The following POC1A variants were observed in gnomAD, a reference collection of about 807,000 sequenced individuals.
POC1A encodes the protein POC1 centriolar protein homolog A.
In POC1A, 34 loss-of-function variants were observed where a neutral mutation model predicts 47.8. The observed-to-expected ratio is 0.71, with a 90% CI of 0.54 to 0.95. The LOEUF is 0.95. POC1A is among the 40% of genes least tolerant of loss of function. The probability of loss-of-function intolerance (pLI) is 0.00; values close to 1 mark genes in which losing one functional copy is unlikely to be tolerated. For missense variants in POC1A, 466 were observed against 528.3 expected, an observed-to-expected ratio of 0.88 and a Z score of 1.16; for synonymous variants, 177 against 207.6, an observed-to-expected ratio of 0.85 and a Z score of 1.27.
At chr3:52,153,673 G>A (rs1326435085) in intron 1 of POC1A, among the ~76,000 whole-genome samples, 1 of 152,232 alleles carries the variant, frequency 6.6e-6, no homozygotes, top group Non-Finnish European at 1.5e-5. Flanking sequence ...CCCTGCATGT[G>A]GGCCTCATCT....
At chr3:52,111,416 G>T (rs763894769) in intron 9 of POC1A, among the ~76,000 whole-genome samples, 2 of 152,114 alleles carry the variant, frequency 1.3e-5, no homozygotes, top group Non-Finnish European at 2.9e-5. Flanking sequence ...GGAGGCCAAG[G>T]CGGGCAGATC....
At chr3:52,077,425 G>A (rs555701309) in intron 10 of POC1A, among the ~76,000 whole-genome samples, 2 of 152,372 alleles carry the variant, frequency 1.3e-5, no homozygotes, top group Admixed American at 6.5e-5. Flanking sequence ...CTGCCATGGA[G>A]GGTGCTCCGC....
In POC1A at chr3:52,101,191, G is replaced by A. The variant is rs181450276; in HGVS notation, c.982-4479C>T. On this transcript the variant is annotated intron_variant, in intron 9 of 10. Transcript: ENST00000296484. ...CATGGAAAAAAGCATGCCCCTCTGA[G>A]GGGCATGCCCACAGGGCTGGCTGAA... Among the ~76,000 whole-genome samples, 480 of 152,054 alleles carry A rather than the reference G, an allele frequency of 3.2e-3. 1 individual carries two copies. Among genetic ancestry groups the A allele is most frequent in the Admixed American group, 5.1e-3 (78 of 15,298 alleles).
intron 3 of POC1A, 115 bp downstream of exon 3, chr3:52,149,701 C>T: frequency 9.9e-7 from 1 of 1,005,156 alleles, no homozygotes; most frequent in Non-Finnish European, 1.5e-6. Flanking sequence ...TCTTCCAAAG[C>T]AGAGTAGAAG....
At chr3:52,098,445 G>A (rs1702891369) in intron 9 of POC1A, among the ~76,000 whole-genome samples, 1 of 152,186 alleles carries the variant, frequency 6.6e-6, no homozygotes, top group Non-Finnish European at 1.5e-5. Context: ...GGCAGGGTGA[G>A]TACCACTGAC....
intron 7 of POC1A, among the ~76,000 whole-genome samples, chr3:52,136,147 G>A (rs1396050471): frequency 1.3e-5 from 2 of 152,134 alleles, no homozygotes; most frequent in African/African-American, 2.4e-5. Flanking sequence ...CCCCACAGAG[G>A]GGCTGGGTGT....
intron 9 of POC1A, among the ~76,000 whole-genome samples, chr3:52,098,207 C>T (rs1559818166): frequency 6.6e-6 from 1 of 152,214 alleles, no homozygotes; most frequent in East Asian, 1.9e-4. Flanking sequence ...TGTGCCCACT[C>T]CTTCCAGAGG....
rs1449672988 is a variant in POC1A, at chr3:52,075,732, T to C, written c.*155A>G. The C allele has an allele frequency of 1.9e-5, 12 of 645,886 alleles. No individual in the cohort carries two copies. The highest frequency in any genetic ancestry group is 2.7e-4 in the Middle Eastern group (1 of 3,714). The allele number at this position is 645,886 out of a possible 1,614,324, so 40.0% of individuals were successfully genotyped here. A position where few individuals can be genotyped will look rare whatever the true frequency, so the allele number is the denominator to read the frequency against. On this transcript the variant is annotated 3_prime_UTR_variant, in exon 11 of 11. Transcript: ENST00000296484. ...CAGGTGGAGAGCCTCCTGGTGCAGA[T>C]AGCAAGGTGGAGGGCAGAACTGCAA...
At chr3:52,102,439 A>G (rs987178565) in intron 9 of POC1A, among the ~76,000 whole-genome samples, 1 of 151,946 alleles carries the variant, frequency 6.6e-6, no homozygotes, top group Non-Finnish European at 1.5e-5. Context: ...CATAACTCCA[A>G]TCTCTGCCTT....
intron 9 of POC1A, among the ~76,000 whole-genome samples, chr3:52,097,463 G>C (rs553149918): frequency 1.3e-5 from 2 of 152,314 alleles, no homozygotes; most frequent in South Asian, 4.1e-4. Context: ...TCAGCTCCTT[G>C]CCTTATGCAC....
intron 6 of POC1A, among the ~76,000 whole-genome samples, chr3:52,142,940 T>A (rs535086848): frequency 6.6e-6 from 1 of 152,000 alleles, no homozygotes; most frequent in Non-Finnish European, 1.5e-5. Context: ...GAGAGGTATG[T>A]TCCCCCTACC....
intron 10 of POC1A, among the ~76,000 whole-genome samples, chr3:52,081,004 C>T (rs1702262241): frequency 1.3e-5 from 2 of 152,228 alleles, no homozygotes; most frequent in Admixed American, 1.3e-4. Flanking sequence ...GAAGTTTTAT[C>T]TTCAAAGTCA....
At chr3:52,103,169 G>A (rs185276249) in intron 9 of POC1A, among the ~76,000 whole-genome samples, 39 of 152,274 alleles carry the variant, frequency 2.6e-4, no homozygotes, top group African/African-American at 7.9e-4. Context: ...AATGAACTTC[G>A]GTACATACCT....
Position 52,150,061 on chromosome 3 carries a change from A to C in POC1A, c.104-74T>G, listed in dbSNP as rs1367075448. 6 of 1,332,844 alleles carry C rather than the reference A, an allele frequency of 4.5e-6. No homozygotes were observed. In the East Asian group the frequency reaches 1.4e-4, roughly 31 times the overall value. 82.6% of individuals were successfully genotyped at this position (1,332,844 alleles called of 1,614,324 possible). ...GCCTCCACCAAGACATTGGAGAGGC[A>C]GGGGGAGCAACTGGCCCAGCTCCAT... On this transcript the variant is annotated intron_variant, in intron 2 of 10. Coordinates refer to ENST00000296484, the MANE Select transcript of POC1A (RefSeq NM_015426.5).
At chr3:52,123,713 T>G (rs1044353410) in intron 8 of POC1A, among the ~76,000 whole-genome samples, 1 of 152,126 alleles carries the variant, frequency 6.6e-6, no homozygotes, top group Non-Finnish European at 1.5e-5. Context: ...TGAATGCAAA[T>G]AGACAATGCC....
Position 52,145,942 on chromosome 3 carries a change from A to T in POC1A, c.583T>A (p.Phe195Ile). ...EHGGFVTYVD[F>I]HPSGTCIAAA... ...GCAATGCACGTCCCACTGGGGTGGA[A>T]GTCCACATAGGTGACAAAGCTGGAA... Residue 195 changes from phenylalanine (F) to isoleucine (I), a missense_variant, in exon 6 of 11, where the codon TTC becomes ATC. By Grantham distance (21) the Phe-to-Ile change is conservative. Transcript: ENST00000296484. 1 of 1,612,740 alleles carries T rather than the reference A, an allele frequency of 6.2e-7. No individual in the cohort carries two copies. The highest frequency in any genetic ancestry group is 1.1e-5 in the South Asian group (1 of 91,066).
chr3:52,142,940 T>C lies in POC1A; in HGVS notation c.679+2906A>G, dbSNP rs535086848. Among the ~76,000 whole-genome samples, 50 of 152,118 alleles carry C rather than the reference T, an allele frequency of 3.3e-4. 1 individual carries two copies. Among genetic ancestry groups the C allele is most frequent in the Admixed American group, 3.1e-3 (48 of 15,298 alleles). On this transcript the variant is annotated intron_variant, in intron 6 of 10. Coordinates refer to ENST00000296484, the MANE Select transcript of POC1A (RefSeq NM_015426.5). ...CCGTCAGCAGAGGATGAGAGGTATG[T>C]TCCCCCTACCCAGGGAGCTCAGATC...
chr3:52,096,530 A>AGATGACGG (rs760269258), intron 10 of POC1A, 39 bp downstream of exon 10: 1 of 1,497,938 alleles, frequency 6.7e-7, no homozygotes, highest in Admixed American at 2.2e-5. Flanking sequence ...GACCAAGTGC[A>AGATGACGG]GATGACGGGA....
At chr3:52,098,153 T>C (rs1041134318) in intron 9 of POC1A, among the ~76,000 whole-genome samples, 2 of 152,176 alleles carry the variant, frequency 1.3e-5, no homozygotes, top group South Asian at 2.1e-4. Flanking sequence ...GAGAGGTGCT[T>C]ATCTGAAGCT....
Sources: gnomAD v4.1 joint callset for allele counts (sites outside exome capture counted in the v4.1 genomes callset) on GRCh38, gnomAD v4.1.1 for gene constraint, MANE v1.5 for transcripts, NCBI Gene and HGNC (gene_info 2026-07-23, HGNC 2026-07-21) for gene names.